Variants in SLC71A1 observed in about 807,000 individuals in gnomAD.
SLC71A1 encodes the protein hippocampus abundant gene transcript 1.
At chr1:100,060,567 A>G in the SLC71A1 span, among the ~76,000 whole-genome samples, 1 of 152,052 alleles carries the variant, frequency 6.6e-6, no homozygotes, top group Non-Finnish European at 1.5e-5. Context: ...AGCTCTAGCC[A>G]TCAAGTCATA....
At chr1:100,050,983 G>A in the SLC71A1 span, among the ~76,000 whole-genome samples, 2 of 151,726 alleles carry the variant, frequency 1.3e-5, no homozygotes, top group South Asian at 4.2e-4. Flanking sequence ...TACTCGGGAG[G>A]CTAAGGCAGG....
the SLC71A1 span, among the ~76,000 whole-genome samples, chr1:100,071,933 A>G: frequency 6.6e-6 from 1 of 152,254 alleles, no homozygotes; most frequent in Admixed American, 6.5e-5. Context: ...TCAGTGCAGC[A>G]GCAGAGCCCT....
the SLC71A1 span, among the ~76,000 whole-genome samples, chr1:100,076,950 T>C: frequency 6.6e-6 from 1 of 152,206 alleles, no homozygotes; most frequent in Non-Finnish European, 1.5e-5. Context: ...AGTTTTATCT[T>C]TCAGTTTTCT....
At chr1:100,077,076 A>G in the SLC71A1 span, 1 of 649,244 alleles carries the variant, frequency 1.5e-6, no homozygotes, top group Non-Finnish European at 2.7e-6. Context: ...CAAATTGTAG[A>G]AAAGTGCCAA....
chr1:100,046,547 C>G, the SLC71A1 span, among the ~76,000 whole-genome samples: 9 of 152,196 alleles, frequency 5.9e-5, no homozygotes, highest in African/African-American at 2.2e-4. Context: ...TCTTTTTGCT[C>G]AGGATTGCTT....
At chr1:100,065,876 G>A in the SLC71A1 span, among the ~76,000 whole-genome samples, 7,320 of 150,208 alleles carry the variant, frequency 0.049, 205 homozygotes, top group African/African-American at 0.068. Flanking sequence ...TCCAGACAGG[G>A]TGTTGCCCAG....
the SLC71A1 span, chr1:100,058,182 A>C: frequency 1.3e-5 from 2 of 152,230 alleles, no homozygotes; most frequent in African/African-American, 4.8e-5. Context: ...TCTTTATAGA[A>C]TCTTTCTAGA....
the SLC71A1 span, among the ~76,000 whole-genome samples, chr1:100,059,452 G>A: frequency 6.6e-6 from 1 of 151,516 alleles, no homozygotes; most frequent in Non-Finnish European, 1.5e-5. Context: ...ACTGTGCCCA[G>A]CTCAAATTCT....
the SLC71A1 span, among the ~76,000 whole-genome samples, chr1:100,076,010 C>G: frequency 4.7e-4 from 72 of 152,162 alleles, no homozygotes; most frequent in Admixed American, 2.0e-4. Flanking sequence ...TTTTTCTCAG[C>G]TAACTGCTGG....
chr1:100,082,146 T>C, the SLC71A1 span: 1 of 1,614,144 alleles, frequency 6.2e-7, no homozygotes. Flanking sequence ...GTCACAGCCA[T>C]CCTCATAATA....
At chr1:100,040,075 G>A in the SLC71A1 span, among the ~76,000 whole-genome samples, 1 of 152,088 alleles carries the variant, frequency 6.6e-6, no homozygotes, top group Non-Finnish European at 1.5e-5. Context: ...GAACATGGGG[G>A]CTATTATCAT....
chr1:100,078,629 C>T, the SLC71A1 span: 1 of 974,298 alleles, frequency 1.0e-6, no homozygotes, highest in Non-Finnish European at 1.6e-6. Flanking sequence ...TGTACTGAAA[C>T]ATAAGTATAT....
the SLC71A1 span, among the ~76,000 whole-genome samples, chr1:100,051,542 G>A: frequency 2.7e-5 from 4 of 149,656 alleles, no homozygotes; most frequent in Non-Finnish European, 5.9e-5. Context: ...CATAATCCAA[G>A]TACAACGATT....
At chr1:100,051,034 G>A in the SLC71A1 span, among the ~76,000 whole-genome samples, 5 of 149,022 alleles carry the variant, frequency 3.4e-5, no homozygotes, top group East Asian at 2.0e-4. Flanking sequence ...GTAGTGACCC[G>A]ATATCGTGCC....
the SLC71A1 span, among the ~76,000 whole-genome samples, chr1:100,041,306 T>A: frequency 6.6e-6 from 1 of 152,220 alleles, no homozygotes; most frequent in Non-Finnish European, 1.5e-5. Flanking sequence ...AGCTAACAAG[T>A]AGGCTACCTA....
the SLC71A1 span, chr1:100,082,736 C>CT: frequency 1.3e-5 from 2 of 152,422 alleles, no homozygotes; most frequent in Admixed American, 1.3e-4. Context: ...AAAAAAAACT[C>CT]TTAAGAAAAC....
chr1:100,078,122 A>G, the SLC71A1 span, among the ~76,000 whole-genome samples: 1 of 152,232 alleles, frequency 6.6e-6, no homozygotes, highest in Non-Finnish European at 1.5e-5. Context: ...GTTTGGAAAT[A>G]TTTGATGATG....
chr1:100,055,345 AT>A, the SLC71A1 span, among the ~76,000 whole-genome samples: 11,313 of 140,188 alleles, frequency 0.081, 452 homozygotes, highest in African/African-American at 0.13. Context: ...CTTTTTTGCA[AT>A]TTTTTTTTTT....
chr1:100,061,851 A>C, the SLC71A1 span: 1 of 1,610,238 alleles, frequency 6.2e-7, no homozygotes, highest in Non-Finnish European at 8.5e-7. Flanking sequence ...CTTTGCTGTT[A>C]TCTCTGTTTC....
Sources: allele counts gnomAD v4.1 joint callset (sites outside exome capture counted in the v4.1 genomes callset), GRCh38; gene constraint gnomAD v4.1.1; transcripts MANE v1.5; gene names NCBI Gene and HGNC (gene_info 2026-07-23, HGNC 2026-07-21).